DMRT1: variants seen among roughly 807,000 people sequenced by gnomAD.
DMRT1 encodes the protein doublesex- and mab-3-related transcription factor 1.
A neutral mutation model predicts 32.3 loss-of-function variants in DMRT1; 7 were observed. The observed-to-expected ratio is 0.22, with a 90% CI of 0.12 to 0.41. The LOEUF is 0.41. Ranked by LOEUF, DMRT1 falls within the 10% of genes least tolerant of loss-of-function variation. The pLI is 1.00. For synonymous variants in DMRT1, 278 were observed against 206.1 expected (o/e 1.35, Z -2.99); for missense variants, 625 against 500.5 (o/e 1.25, Z -2.37).
chr9:895,682 G>A (rs1285397394), intron 3 of DMRT1, among the ~76,000 whole-genome samples: 1 of 151,978 alleles, frequency 6.6e-6, no homozygotes, highest in African/African-American at 2.4e-5. Context: ...TTTTATGTGT[G>A]TGGTTGATAA....
At chr9:862,309 C>G (rs558914473) in intron 2 of DMRT1, among the ~76,000 whole-genome samples, 130 of 152,268 alleles carry the variant, frequency 8.5e-4, no homozygotes, top group Admixed American at 6.1e-3. Context: ...AGACCAGCCC[C>G]GCCAACACGG....
intron 2 of DMRT1, among the ~76,000 whole-genome samples, chr9:890,882 G>A (rs1382255270): frequency 2.0e-5 from 3 of 151,632 alleles, no homozygotes; most frequent in South Asian, 2.1e-4. Context: ...GCCGATGTCC[G>A]GCTAATTTTT....
At chr9:867,277 A>G (rs1816031788) in intron 2 of DMRT1, among the ~76,000 whole-genome samples, 1 of 152,194 alleles carries the variant, frequency 6.6e-6, no homozygotes, top group East Asian at 1.9e-4. Flanking sequence ...GCAGGATGGT[A>G]GGAGGAAGAA....
In DMRT1 at chr9:870,672, C is replaced by G. The variant is rs528007885; in HGVS notation, c.539-23240C>G. On this transcript the variant is annotated intron_variant, in intron 2 of 4. Coordinates refer to ENST00000382276, the MANE Select transcript of DMRT1 (RefSeq NM_021951.3). ...GTCTAAAGGCTTTGCTTATTTTGTT[C>G]TTTAAGCTTAGGTTCCCATATTTCT... Among the ~76,000 whole-genome samples the G allele has an allele frequency of 8.3e-4, 94 of 112,762 alleles. 1 individual carries two copies. Among genetic ancestry groups the G allele is most frequent in the South Asian group, 7.9e-3 (27 of 3,420 alleles). 74.0% of individuals were successfully genotyped at this position (112,762 alleles called of 152,430 possible). A position where few individuals can be genotyped will look rare whatever the true frequency, so the allele number is the denominator to read the frequency against.
chr9:850,769 C>T (rs1241119064), intron 2 of DMRT1, among the ~76,000 whole-genome samples: 1 of 152,178 alleles, frequency 6.6e-6, no homozygotes, highest in Non-Finnish European at 1.5e-5. Flanking sequence ...TGGCTCATGC[C>T]TGTAATCCCA....
At chr9:901,264 G>C (rs1817562481) in intron 3 of DMRT1, among the ~76,000 whole-genome samples, 1 of 152,252 alleles carries the variant, frequency 6.6e-6, no homozygotes, top group South Asian at 2.1e-4. Context: ...TGATCTGCCT[G>C]CCCTGGCCTC....
chr9:854,711 C>T (rs1233813316), intron 2 of DMRT1, among the ~76,000 whole-genome samples: 1 of 150,536 alleles, frequency 6.6e-6, no homozygotes, highest in African/African-American at 2.4e-5. Context: ...CAGATAAAAA[C>T]ATTCCCAAAT....
At chr9:870,415 T>C (rs10977237) in intron 2 of DMRT1, among the ~76,000 whole-genome samples, 46,639 of 151,522 alleles carry the variant, frequency 0.31, 8,188 homozygotes, top group Non-Finnish European at 0.4. Flanking sequence ...ACAACAACAA[T>C]AACAACAACA....
chr9:915,363 A>G (rs528098970), intron 3 of DMRT1, among the ~76,000 whole-genome samples: 3 of 152,272 alleles, frequency 2.0e-5, no homozygotes, highest in Non-Finnish European at 1.5e-5. Flanking sequence ...CCATCAAGTC[A>G]TATCTTCTTA....
At chr9:946,445 T>C (rs1364095987) in intron 4 of DMRT1, among the ~76,000 whole-genome samples, 1 of 152,104 alleles carries the variant, frequency 6.6e-6, no homozygotes, top group African/African-American at 2.4e-5. Flanking sequence ...GTGCCTGAAG[T>C]GCCAGGTAAC....
intron 3 of DMRT1, among the ~76,000 whole-genome samples, chr9:895,534 A>T (rs577490635): frequency 6.6e-6 from 1 of 152,236 alleles, no homozygotes; most frequent in South Asian, 2.1e-4. Context: ...TCCCAGCTTT[A>T]TTGACGTATC....
At chr9:898,783 A>T (rs1266211930) in intron 3 of DMRT1, among the ~76,000 whole-genome samples, 1 of 152,120 alleles carries the variant, frequency 6.6e-6, no homozygotes, top group Non-Finnish European at 1.5e-5. Flanking sequence ...ACTTAACCAG[A>T]TGGAGTCATC....
rs991425037 is a variant in DMRT1, at chr9:965,178, C to T, written c.968-2807C>T. 6.6e-5 allele frequency among the ~76,000 whole-genome samples: 10 copies of T among 152,168 alleles called. No homozygotes were observed. Among genetic ancestry groups the T allele is most frequent in the African/African-American group, 2.2e-4 (9 of 41,448 alleles). On this transcript the variant is annotated intron_variant, in intron 4 of 4. Coordinates refer to ENST00000382276, the MANE Select transcript of DMRT1 (RefSeq NM_021951.3). This position sits in a 1 kb window ranked among gnomAD's most constrained non-coding sequence, Gnocchi z 4.5. The stretch of plus-strand genomic sequence containing the variant: ...ACATTAGTCACTAAGGAAAAACACA[C>T]TAAATCTTTTCACGTACCTAGAACT...
chr9:894,620 A>G, intron 3 of DMRT1: 2 of 298,270 alleles, frequency 6.7e-6, no homozygotes, highest in Non-Finnish European at 1.3e-5. Context: ...TGCTGGGTAA[A>G]GCCTTCTGGG....
intron 2 of DMRT1, among the ~76,000 whole-genome samples, chr9:856,567 A>T (rs1202180757): frequency 6.6e-6 from 1 of 152,132 alleles, no homozygotes; most frequent in Non-Finnish European, 1.5e-5. Flanking sequence ...TGTATTTTTA[A>T]TTATTATTGT....
rs1346427728 is a variant in DMRT1, at chr9:842,162, C to T, written c.324C>T (p.Ile108=). ...GCCAGTGCAAGAAGTGCAACCTGAT[C>T]GCCGAGAGGCAGCGCGTGATGGCCG... The part of the protein sequence containing the change: ...RDCQCKKCNL[I]AERQRVMAAQ... The change falls in exon 1 of 5, where the codon ATC becomes ATT. Residue 108 remains isoleucine (I), a synonymous_variant. Transcript: ENST00000382276. The T allele has an allele frequency of 6.5e-7, 1 of 1,546,656 alleles. No individual in the cohort carries two copies. Among genetic ancestry groups the T allele is most frequent in the South Asian group, 1.2e-5 (1 of 84,852 alleles).
At chr9:967,907 T>C (rs1819982041) in intron 4 of DMRT1, 78 bp from the exon 5 acceptor site, 6 of 1,335,270 alleles carry the variant, frequency 4.5e-6, no homozygotes, top group Non-Finnish European at 6.3e-6. Context: ...AATTGAATAA[T>C]GAATGTATAA....
chr9:876,707 G>A lies in DMRT1; in HGVS notation c.539-17205G>A, dbSNP rs137951050. Among the ~76,000 whole-genome samples the A allele has an allele frequency of 2.2e-3, 331 of 152,122 alleles. 3 individuals are homozygous for A. The highest frequency in any genetic ancestry group is 7.9e-3 in the African/African-American group (327 of 41,492). On this transcript the variant is annotated intron_variant, in intron 2 of 4. Transcript: ENST00000382276. ...CCACTATGCCCAGCTATTTTAAAAT[G>A]TTTTGTAGAGATGGGGTCTCGCCAT...
At chr9:930,081 TTTCTTCTCAAA>T (rs2129851510) in intron 4 of DMRT1, among the ~76,000 whole-genome samples, 1 of 152,284 alleles carries the variant, frequency 6.6e-6, no homozygotes, top group Non-Finnish European at 1.5e-5. Flanking sequence ...AAGAGGGTGT[TTTCTTCTCAAA>T]TTAGAGAAAC....
Sources: allele counts gnomAD v4.1 joint callset (sites outside exome capture counted in the v4.1 genomes callset), GRCh38; gene constraint gnomAD v4.1.1; non-coding constraint Gnocchi (gnomAD v3.1); transcripts MANE v1.5; gene names NCBI Gene and HGNC (gene_info 2026-07-23, HGNC 2026-07-21).